Variants in EYS observed in about 807,000 individuals in gnomAD.
EYS encodes protein eyes shut homolog.
Under a neutral mutation model 282.1 loss-of-function variants are expected in EYS, and 250 were observed. The ratio of observed to expected loss-of-function variants is 0.89; its 90% CI spans 0.80 to 0.98. EYS has a LOEUF of 0.98. Ranked by LOEUF, EYS falls within the 50% of genes least tolerant of loss-of-function variation. The probability of loss-of-function intolerance (pLI) is 0.00; values close to 1 mark genes in which losing one functional copy is unlikely to be tolerated. For synonymous variants in EYS, 1,355 were observed against 1,282.9 expected (o/e 1.06, Z -1.20); for missense variants, 4,016 against 3,709.0 (o/e 1.08, Z -2.15).
At position 64,344,342 on chromosome 6, in the gene EYS, CA is replaced by C. The variant is rs541642177; in HGVS notation, c.6079-37261del. Among the ~76,000 whole-genome samples the C allele has an allele frequency of 7.3e-3, 1,112 of 151,972 alleles. 9 individuals carry two copies. Among genetic ancestry groups the C allele is most frequent in the African/African-American group, 0.026 (1,067 of 41,488 alleles). ...TGGCAAACCGAATCCAGCAGCACAT[CA>C]AAAAGCTTATCCACCATGATCAAGT... On this transcript the variant is annotated intron_variant, in intron 29 of 42. Transcript: ENST00000503581.
intron 2 of EYS, among the ~76,000 whole-genome samples, chr6:65,617,092 T>C (rs988692540): frequency 1.3e-5 from 2 of 152,202 alleles, no homozygotes; most frequent in African/African-American, 4.8e-5. Context: ...TTCTTTGATC[T>C]TCAGTTCAGG....
chr6:65,048,015 C>A (rs1773152306), intron 13 of EYS, among the ~76,000 whole-genome samples: 1 of 151,832 alleles, frequency 6.6e-6, no homozygotes, highest in African/African-American at 2.4e-5. Flanking sequence ...CATATTGGGG[C>A]TCCCATTTGC....
At chr6:65,227,005 C>T (rs1160922683) in intron 12 of EYS, among the ~76,000 whole-genome samples, 4 of 151,986 alleles carry the variant, frequency 2.6e-5, no homozygotes, top group African/African-American at 9.7e-5. Flanking sequence ...GAGGCCGAGG[C>T]CTGTGGATCA....
At chr6:65,594,940 T>A (rs1765355561) in intron 2 of EYS, among the ~76,000 whole-genome samples, 1 of 152,160 alleles carries the variant, frequency 6.6e-6, no homozygotes, top group African/African-American at 2.4e-5. Flanking sequence ...CCATTTCTTG[T>A]TTTGGTCAGG....
intron 8 of EYS, among the ~76,000 whole-genome samples, chr6:65,375,081 C>G (rs987101210): frequency 1.3e-5 from 2 of 152,176 alleles, no homozygotes; most frequent in East Asian, 3.9e-4. Context: ...CCTGTGCCTC[C>G]TGACTGTGAG....
At chr6:63,891,938 T>C (rs1257715954) in intron 35 of EYS, among the ~76,000 whole-genome samples, 3 of 152,034 alleles carry the variant, frequency 2.0e-5, no homozygotes, top group Non-Finnish European at 2.9e-5. Flanking sequence ...ACACCAATAA[T>C]AGACAAACAG....
intron 5 of EYS, among the ~76,000 whole-genome samples, chr6:65,432,957 C>T (rs1236216588): frequency 6.6e-6 from 1 of 151,866 alleles, no homozygotes; most frequent in Non-Finnish European, 1.5e-5. Flanking sequence ...CCTTGGCCAA[C>T]TGGGAAGATA....
chr6:64,836,825 T>G (rs1427833406), intron 19 of EYS, among the ~76,000 whole-genome samples: 2 of 151,654 alleles, frequency 1.3e-5, no homozygotes, highest in African/African-American at 4.8e-5. Flanking sequence ...TTCACACATT[T>G]CTGTGAAATT....
At chr6:65,421,000 T>C (rs1465107030) in intron 5 of EYS, among the ~76,000 whole-genome samples, 1 of 151,892 alleles carries the variant, frequency 6.6e-6, no homozygotes, top group Non-Finnish European at 1.5e-5. Context: ...AGAGTAAATT[T>C]AGCATCTTTC....
chr6:65,517,490 A>T (rs1468188932), intron 2 of EYS, among the ~76,000 whole-genome samples: 1 of 152,070 alleles, frequency 6.6e-6, no homozygotes, highest in Non-Finnish European at 1.5e-5. Context: ...CGGTTGAAGC[A>T]ATACTTACGT....
intron 12 of EYS, among the ~76,000 whole-genome samples, chr6:65,148,719 G>T (rs1581956434): frequency 6.6e-6 from 1 of 152,070 alleles, no homozygotes. Context: ...TCTAGCAGAG[G>T]TTCTCCATGA....
intron 2 of EYS, among the ~76,000 whole-genome samples, chr6:65,562,136 T>A (rs561183367): frequency 6.6e-6 from 1 of 152,100 alleles, no homozygotes; most frequent in South Asian, 2.1e-4. Flanking sequence ...ATTAGCCTAC[T>A]ATCTGACTAC....
intron 22 of EYS, among the ~76,000 whole-genome samples, chr6:64,809,196 G>T (rs1159700539): frequency 6.6e-6 from 1 of 152,118 alleles, no homozygotes; most frequent in Admixed American, 6.6e-5. Context: ...ATAAAGCCGG[G>T]ATATAAAATG....
At chr6:64,192,777 C>T (rs188918834) in intron 31 of EYS, among the ~76,000 whole-genome samples, 3 of 152,278 alleles carry the variant, frequency 2.0e-5, no homozygotes, top group Non-Finnish European at 4.4e-5. Context: ...TTAAGTCAGA[C>T]CCACTTGGAA....
chr6:65,176,885 G>A (rs1302083632), intron 12 of EYS, among the ~76,000 whole-genome samples: 2 of 151,570 alleles, frequency 1.3e-5, no homozygotes, highest in Non-Finnish European at 3.0e-5. Flanking sequence ...TTAATTTTAA[G>A]AAAATTAAAA....
intron 2 of EYS, among the ~76,000 whole-genome samples, chr6:65,632,181 A>C (rs933214389): frequency 6.6e-6 from 1 of 152,170 alleles, no homozygotes; most frequent in Non-Finnish European, 1.5e-5. Flanking sequence ...TGAGGAGTTT[A>C]TGAAAGTGCC....
intron 2 of EYS, among the ~76,000 whole-genome samples, chr6:65,572,916 C>T (rs1012863151): frequency 3.3e-5 from 5 of 152,086 alleles, no homozygotes; most frequent in African/African-American, 1.2e-4. Context: ...ACATTTTTCT[C>T]CAGGCAGCTT....
intron 5 of EYS, among the ~76,000 whole-genome samples, chr6:65,449,557 G>A (rs1764327271): frequency 6.6e-6 from 1 of 152,018 alleles, no homozygotes; most frequent in Non-Finnish European, 1.5e-5. Flanking sequence ...ATTGGAAATA[G>A]AAAGCTACTA....
intron 12 of EYS, among the ~76,000 whole-genome samples, chr6:65,059,309 G>A (rs1181623536): frequency 1.3e-5 from 2 of 152,104 alleles, no homozygotes; most frequent in Non-Finnish European, 2.9e-5. Context: ...GTCTGAGTTT[G>A]ACTCCATTGT....
Sources: gnomAD v4.1 joint callset for allele counts (sites outside exome capture counted in the v4.1 genomes callset) on GRCh38, gnomAD v4.1.1 for gene constraint, MANE v1.5 for transcripts, NCBI Gene and HGNC (gene_info 2026-07-23, HGNC 2026-07-21) for gene names.